CREB5: variants seen among roughly 807,000 people sequenced by gnomAD.
CREB5 encodes cAMP responsive element binding protein 5.
In CREB5, 19 loss-of-function variants were observed where a neutral mutation model predicts 57.1. The observed-to-expected ratio is 0.33, with a 90% CI of 0.23 to 0.49. The LOEUF (loss-of-function observed/expected upper bound fraction) is 0.49, where lower values mean the gene tolerates loss of function less well. CREB5 is among the 20% of genes least tolerant of loss of function. CREB5 has a pLI of 0.99. For missense variants in CREB5, 579 were observed against 671.6 expected (o/e 0.86, Z 1.52); for synonymous variants, 238 against 238.3 (o/e 1.00, Z 0.01).
intron 4 of CREB5, among the ~76,000 whole-genome samples, chr7:28,547,908 A>G (rs1357869400): frequency 6.6e-6 from 1 of 152,178 alleles, no homozygotes; most frequent in Non-Finnish European, 1.5e-5. Context: ...TGCTTAATAA[A>G]CTACTGTCCA....
intron 1 of CREB5, among the ~76,000 whole-genome samples, chr7:28,430,337 G>A (rs1025021191): frequency 3.3e-5 from 5 of 152,202 alleles, no homozygotes; most frequent in African/African-American, 9.6e-5. Context: ...AGGCACTGGG[G>A]AAATGGTGGC....
At chr7:28,636,645 A>G (rs1049856880) in intron 5 of CREB5, among the ~76,000 whole-genome samples, 2 of 152,226 alleles carry the variant, frequency 1.3e-5, no homozygotes, top group African/African-American at 4.8e-5. Flanking sequence ...ATAAATTATC[A>G]TAGTCATCCT....
At position 28,383,932 on chromosome 7, in the gene CREB5, A is replaced by C. The variant is rs370877737; in HGVS notation, c.-25+84491A>C. ...TATTTAAATTTTACTTTTTCCTAAA[A>C]TTGTAATGAAGGGGTGAAATAACCT... On this transcript the variant is annotated intron_variant, in intron 1 of 9. Transcript: ENST00000396299. 2.8e-4 allele frequency among the ~76,000 whole-genome samples: 42 copies of C among 152,338 alleles called. 1 individual carries two copies. In the South Asian group the frequency reaches 3.9e-3, roughly 14 times the overall value.
chr7:28,345,451 A>G (rs1056805446), intron 1 of CREB5, among the ~76,000 whole-genome samples: 1 of 152,206 alleles, frequency 6.6e-6, no homozygotes, highest in Admixed American at 6.5e-5. Context: ...AATGCCACTT[A>G]CTGTATAACA....
At chr7:28,316,031 G>A (rs1197119678) in intron 1 of CREB5, among the ~76,000 whole-genome samples, 4 of 152,162 alleles carry the variant, frequency 2.6e-5, no homozygotes, top group Non-Finnish European at 5.9e-5. Flanking sequence ...TTTTAATCTT[G>A]TTTCAAAAAC....
chr7:28,410,488 A>G (rs1259348772), upstream of CREB5: 1 of 456,700 alleles, frequency 2.2e-6, no homozygotes, highest in Admixed American at 2.3e-5. Context: ...GTTTTCTCTC[A>G]GCAGCTGCAT....
intron 1 of CREB5, among the ~76,000 whole-genome samples, chr7:28,341,250 G>A (rs1013942874): frequency 2.6e-5 from 4 of 151,870 alleles, no homozygotes; most frequent in East Asian, 1.9e-4. Context: ...TATATCATAA[G>A]CATTTTTTTC....
At chr7:28,323,456 T>G (rs569115160) in intron 1 of CREB5, among the ~76,000 whole-genome samples, 1 of 152,332 alleles carries the variant, frequency 6.6e-6, no homozygotes, top group African/African-American at 2.4e-5. Flanking sequence ...ATTCTTTTAC[T>G]TTTTTTCAGC....
At chr7:28,686,786 C>A (rs909107326) in intron 5 of CREB5, among the ~76,000 whole-genome samples, 1 of 152,212 alleles carries the variant, frequency 6.6e-6, no homozygotes, top group African/African-American at 2.4e-5. Flanking sequence ...AGACTGCAAT[C>A]TCTAATTATT....
At chr7:28,792,651 G>A (rs1807786573) in intron 7 of CREB5, among the ~76,000 whole-genome samples, 1 of 152,184 alleles carries the variant, frequency 6.6e-6, no homozygotes, top group Admixed American at 6.6e-5. Context: ...GACATGCAGG[G>A]GAAAGAAGAA....
intron 5 of CREB5, among the ~76,000 whole-genome samples, chr7:28,691,420 C>CA (rs60338671): frequency 0.018 from 1,635 of 92,094 alleles, 34 homozygotes; most frequent in African/African-American, 0.038. Context: ...ACTCTGTCTC[C>CA]AAAAAAAAAA....
intron 4 of CREB5, among the ~76,000 whole-genome samples, chr7:28,554,826 G>A (rs1562793225): frequency 1.3e-5 from 2 of 152,296 alleles, no homozygotes; most frequent in East Asian, 3.9e-4. Flanking sequence ...CTCTATATGT[G>A]AATCTAGACT....
intron 7 of CREB5, among the ~76,000 whole-genome samples, chr7:28,795,671 GAC>G (rs1807989181): frequency 6.6e-6 from 1 of 151,986 alleles, no homozygotes. Context: ...CAGAAGAAAA[GAC>G]ATTCTTCTTT....
chr7:28,503,103 G>A (rs1049160442), intron 3 of CREB5, among the ~76,000 whole-genome samples: 43 of 152,302 alleles, frequency 2.8e-4, no homozygotes, highest in Non-Finnish European at 5.1e-4. Flanking sequence ...GCATTGAGCC[G>A]TATGCTTGTC....
At chr7:28,467,085 G>A (rs1332143529) in intron 1 of CREB5, among the ~76,000 whole-genome samples, 1 of 152,198 alleles carries the variant, frequency 6.6e-6, no homozygotes, top group African/African-American at 2.4e-5. Context: ...CAAGTGTAGA[G>A]ACACACAGTC....
intron 7 of CREB5, among the ~76,000 whole-genome samples, chr7:28,798,541 C>T (rs1173719362): frequency 6.6e-6 from 1 of 152,194 alleles, no homozygotes; most frequent in East Asian, 1.9e-4. Context: ...ATGACAGCAG[C>T]GGCCACACTC....
chr7:28,653,518 A>AG (rs1799221699), intron 5 of CREB5, among the ~76,000 whole-genome samples: 1 of 152,200 alleles, frequency 6.6e-6, no homozygotes, highest in Non-Finnish European at 1.5e-5. Flanking sequence ...CTTTGGGAAA[A>AG]TGTGAGTTTA....
intron 7 of CREB5, among the ~76,000 whole-genome samples, chr7:28,739,631 A>G (rs1435094374): frequency 6.6e-6 from 1 of 152,176 alleles, no homozygotes. Flanking sequence ...TATTACCAGA[A>G]AAGCATATTC....
At chr7:28,694,786 A>G (rs751529515) in intron 5 of CREB5, among the ~76,000 whole-genome samples, 1 of 152,110 alleles carries the variant, frequency 6.6e-6, no homozygotes, top group Non-Finnish European at 1.5e-5. Context: ...GACTCTAGCA[A>G]TCCTCCCACC....
Sources: gnomAD v4.1 joint callset for allele counts (sites outside exome capture counted in the v4.1 genomes callset) on GRCh38, gnomAD v4.1.1 for gene constraint, MANE v1.5 for transcripts, NCBI Gene and HGNC (gene_info 2026-07-23, HGNC 2026-07-21) for gene names.